DOT1L: variants seen among roughly 807,000 people sequenced by gnomAD.
DOT1L encodes histone-lysine N-methyltransferase, H3 lysine-79 specific.
DOT1L carries 33 observed loss-of-function variants against 153.3 expected under a neutral mutation model. The ratio of observed to expected loss-of-function variants is 0.22; its 90% CI spans 0.16 to 0.29. The LOEUF is 0.29. Ranked by LOEUF, DOT1L falls within the 10% of genes least tolerant of loss-of-function variation. The probability of loss-of-function intolerance (pLI) is 1.00; values close to 1 mark genes in which losing one functional copy is unlikely to be tolerated. For missense variants in DOT1L, 1,847 were observed against 2,119.9 expected (o/e 0.87, Z 2.53); for synonymous variants, 1,135 against 965.1 (o/e 1.18, Z -3.26).
rs540215748 is a variant in DOT1L, at chr19:2,227,978, C to T, written c.4606+851C>T. 1.8e-5 allele frequency: 23 copies of T among 1,274,562 alleles called. No homozygotes were observed. In the African/African-American group the frequency reaches 2.0e-4, roughly 11 times the overall value. 79.0% of individuals were successfully genotyped at this position (1,274,562 alleles called of 1,614,324 possible). A position where few individuals can be genotyped will look rare whatever the true frequency, so the allele number is the denominator to read the frequency against. ...TGGGCCGGTCCCCCGCGGGGCCGCC[C>T]GTCCTCCACGCCCCCCCTCCACCTA... On this transcript the variant is annotated intron_variant, in intron 27 of 27. Transcript: ENST00000398665.
rs760808115 is a variant in DOT1L at position 2,226,590 on chromosome 19, C to G, written c.4069C>G (p.Arg1357Gly). Reference protein sequence around the residue: ...LSSPLSFPSQRGKEGSDANPF... With the variant: ...LSSPLSFPSQGGKEGSDANPF... ...CTCCCCGCTGAGCTTCCCCTCGCAG[C>G]GCGGCAAGGAGGGCTCGGACGCCAA... The change falls in exon 27 of 28, where the codon CGC becomes GGC. Residue 1357 changes from arginine to glycine, a missense_variant. Physicochemically the swap from Arg to Gly is moderately radical, Grantham distance 125. This residue lies in a region of DOT1L where 934 missense variants were observed against 825.3 expected (regional missense o/e 1.13). Coordinates refer to ENST00000398665, the MANE Select transcript of DOT1L (RefSeq NM_032482.3). The G allele has an allele frequency of 6.3e-6, 10 of 1,599,294 alleles. No individual in the cohort carries two copies. The highest frequency in any genetic ancestry group is 8.5e-6 in the Non-Finnish European group (10 of 1,177,342).
At chr19:2,219,702 G>T (rs1049691142) in intron 22 of DOT1L, among the ~76,000 whole-genome samples, 2 of 152,206 alleles carry the variant, frequency 1.3e-5, no homozygotes, top group African/African-American at 4.8e-5. Context: ...TGCAGTGGGT[G>T]GTGGCCGGCA....
At position 2,197,024 on chromosome 19, in the gene DOT1L, G is replaced by A. The variant is rs1325488103; in HGVS notation, c.651+2447G>A. Among the ~76,000 whole-genome samples, 1 of 152,330 alleles carries A rather than the reference G, an allele frequency of 6.6e-6. No homozygotes were observed. Among genetic ancestry groups the A allele is most frequent in the East Asian group, 1.9e-4 (1 of 5,180 alleles). The stretch of plus-strand genomic sequence containing the variant: ...GCTGAACGCGTCCGCCTTGGTCGGC[G>A]TGCGATTCTGTTTATCCAAGGTGGG... On this transcript the variant is annotated intron_variant, in intron 7 of 27. Transcript: ENST00000398665. The surrounding 1 kb of genome is among the most constrained non-coding windows in gnomAD (Gnocchi z 4.1).
chr19:2,178,755 C>G (rs962608067), intron 1 of DOT1L, among the ~76,000 whole-genome samples: 2 of 151,500 alleles, frequency 1.3e-5, no homozygotes, highest in Admixed American at 6.6e-5. Context: ...TTAGTAGAGA[C>G]GGGGTTTCAC....
rs771312972 is a variant in DOT1L, at chr19:2,216,688, C to T, written c.2331C>T (p.Ala777=). The T allele has an allele frequency of 1.1e-5, 17 of 1,603,222 alleles. No homozygotes were observed. Among genetic ancestry groups the T allele is most frequent in the African/African-American group, 1.3e-5 (1 of 75,052 alleles). Residue 777 remains alanine, a synonymous_variant, in exon 20 of 28, where the codon GCC becomes GCT. Transcript: ENST00000398665. ...CCGACTACACTAGGCTGTCCCCGGC[C>T]AAGATTGTGCTGAGGCGGCACCTGA... ...AAPDYTRLSP[A]KIVLRRHLSQ...
chr19:2,179,064 A>G (rs1388553011), intron 1 of DOT1L, among the ~76,000 whole-genome samples: 1 of 151,934 alleles, frequency 6.6e-6, no homozygotes, highest in Non-Finnish European at 1.5e-5. Flanking sequence ...CTCAGTGCAT[A>G]AGGAAAGCTG....
At chr19:2,228,158 C>T (rs2024444552) in intron 27 of DOT1L, 3 of 1,364,850 alleles carry the variant, frequency 2.2e-6, no homozygotes, top group African/African-American at 1.5e-5. Flanking sequence ...CTATCAAGCT[C>T]ACCTCCCTCC....
At chr19:2,228,727 C>T (rs2024475762) in intron 27 of DOT1L, 1 of 985,390 alleles carries the variant, frequency 1.0e-6, no homozygotes, top group Non-Finnish European at 1.2e-6. Flanking sequence ...AGAGCAGTCT[C>T]CAGGGCTCCA....
intron 24 of DOT1L, among the ~76,000 whole-genome samples, chr19:2,223,080 C>G (rs2024188362): frequency 6.7e-6 from 1 of 149,974 alleles, no homozygotes; most frequent in South Asian, 2.1e-4. Context: ...CAGGAGGGGG[C>G]ATGGGGGGCT....
At chr19:2,227,329 T>C (rs954931589) in intron 27 of DOT1L, 3 of 766,032 alleles carry the variant, frequency 3.9e-6, no homozygotes, top group South Asian at 1.5e-5. Context: ...TGTCTTGGGT[T>C]CTCTGGTTGT....
At chr19:2,219,439 G>T (rs983763983) in intron 22 of DOT1L, among the ~76,000 whole-genome samples, 2 of 152,162 alleles carry the variant, frequency 1.3e-5, no homozygotes, top group African/African-American at 4.8e-5. Context: ...GCTCATGTCT[G>T]GGCCTGTCCC....
chr19:2,199,701 A>T (rs2023165483), intron 7 of DOT1L, among the ~76,000 whole-genome samples, 183 bp from the exon 8 acceptor site: 1 of 152,004 alleles, frequency 6.6e-6, no homozygotes, highest in Non-Finnish European at 1.5e-5. Context: ...TTCTCTGCGC[A>T]TCCCTCTCAC....
At chr19:2,223,849 G>A (rs890624147) in intron 25 of DOT1L, among the ~76,000 whole-genome samples, 28 of 152,154 alleles carry the variant, frequency 1.8e-4, no homozygotes, top group Admixed American at 1.6e-3. Flanking sequence ...TTCACATATC[G>A]TATTCTCCAT....
intron 27 of DOT1L, 77 bp downstream of exon 27, chr19:2,227,204 C>T: frequency 1.3e-6 from 2 of 1,542,840 alleles, no homozygotes; most frequent in Non-Finnish European, 1.8e-6. Flanking sequence ...TTCCCTTCCG[C>T]ACTCTCTTGC....
At chr19:2,166,526 C>G (rs199958666) in intron 1 of DOT1L, among the ~76,000 whole-genome samples, 1 of 152,196 alleles carries the variant, frequency 6.6e-6, no homozygotes, top group South Asian at 2.1e-4. Context: ...ATTCTCCTGC[C>G]TCAGCCTCCT....
At chr19:2,183,709 C>T (rs371569493) in intron 2 of DOT1L, among the ~76,000 whole-genome samples, 7 of 151,500 alleles carry the variant, frequency 4.6e-5, no homozygotes, top group African/African-American at 1.5e-4. Flanking sequence ...TCCCTGCAGC[C>T]TCCGTCTCCG....
Position 2,220,308 on chromosome 19 carries a change from C to A in DOT1L, c.2806+86C>A. ...GAGGGCTGGGTTGCTGGGAGTGGAA[C>A]AGGGCTTCCTGGGGTGATCATGGGG... On this transcript the variant is annotated intron_variant, in intron 23 of 27. Coordinates refer to ENST00000398665, the MANE Select transcript of DOT1L (RefSeq NM_032482.3). This position sits in a 1 kb window ranked among gnomAD's most constrained non-coding sequence, Gnocchi z 4.5. 7.4e-7 allele frequency: 1 copy of A among 1,343,622 alleles called. No individual in the cohort carries two copies. Among genetic ancestry groups the A allele is most frequent in the Non-Finnish European group, 1.0e-6 (1 of 965,690 alleles). The allele number at this position is 1,343,622 out of a possible 1,614,324, so 83.2% of individuals were successfully genotyped here. A position where few individuals can be genotyped will look rare whatever the true frequency, so the allele number is the denominator to read the frequency against.
chr19:2,218,719 T>TG (rs1170893534), intron 22 of DOT1L, among the ~76,000 whole-genome samples: 2 of 142,148 alleles, frequency 1.4e-5, no homozygotes, highest in African/African-American at 5.3e-5. Flanking sequence ...TTTTTCGAGA[T>TG]GGAGACTCAT....
chr19:2,194,700 G>A, intron 7 of DOT1L, 123 bp downstream of exon 7: 1 of 542,818 alleles, frequency 1.8e-6, no homozygotes, highest in Non-Finnish European at 2.8e-6. Context: ...GTGCCCCCTG[G>A]AGTCCCCTCT....
Sources: gnomAD v4.1 joint callset for allele counts (sites outside exome capture counted in the v4.1 genomes callset) on GRCh38, gnomAD v4.1.1 for gene constraint, gnomAD v4.1.1 regional missense constraint, Gnocchi (gnomAD v3.1) non-coding constraint, MANE v1.5 for transcripts, NCBI Gene and HGNC (gene_info 2026-07-23, HGNC 2026-07-21) for gene names.